The following COLEC12 variants were observed in gnomAD, a reference collection of about 807,000 sequenced individuals.
COLEC12 encodes the protein collectin subfamily member 12, also known as collectin-12.
A neutral mutation model predicts 71.1 loss-of-function variants in COLEC12; 33 were observed. The observed-to-expected ratio is 0.46, with a 90% CI of 0.35 to 0.62. The LOEUF (loss-of-function observed/expected upper bound fraction) is 0.62. Ranked by LOEUF, COLEC12 falls within the 20% of genes least tolerant of loss-of-function variation. The pLI is 0.00. For synonymous variants in COLEC12, 350 were observed against 353.0 expected, an observed-to-expected ratio of 0.99 and a Z score of 0.10; for missense variants, 765 against 916.1, an observed-to-expected ratio of 0.84 and a Z score of 2.13.
intron 2 of COLEC12, among the ~76,000 whole-genome samples, chr18:432,742 T>C (rs765221652): frequency 8.5e-5 from 13 of 152,216 alleles, no homozygotes; most frequent in Non-Finnish European, 1.5e-4. Flanking sequence ...ACTGTCTATC[T>C]GATTTTGGAC....
intron 2 of COLEC12, among the ~76,000 whole-genome samples, chr18:385,603 A>T (rs1392751446): frequency 6.6e-6 from 1 of 152,156 alleles, no homozygotes; most frequent in Non-Finnish European, 1.5e-5. Context: ...GATTACAGGC[A>T]TGAGCCACCG....
intron 2 of COLEC12, among the ~76,000 whole-genome samples, chr18:363,810 T>TA (rs1296392356): frequency 1.3e-5 from 2 of 152,156 alleles, no homozygotes; most frequent in Admixed American, 1.3e-4. Flanking sequence ...ATGGAATTAG[T>TA]AAAAAAAATT....
At chr18:368,461 C>T (rs1424895065) in intron 2 of COLEC12, among the ~76,000 whole-genome samples, 2 of 152,124 alleles carry the variant, frequency 1.3e-5, no homozygotes, top group Non-Finnish European at 2.9e-5. Flanking sequence ...GTAGTCCCAG[C>T]TACTTGGGTG....
At chr18:363,152 C>A (rs963572938) in intron 2 of COLEC12, among the ~76,000 whole-genome samples, 17 of 152,176 alleles carry the variant, frequency 1.1e-4, no homozygotes, top group African/African-American at 4.1e-4. Context: ...GAATTCCTTT[C>A]TGCTGTGGTT....
intron 1 of COLEC12, among the ~76,000 whole-genome samples, chr18:492,132 A>C (rs1917630401): frequency 6.6e-6 from 1 of 152,176 alleles, no homozygotes; most frequent in African/African-American, 2.4e-5. Flanking sequence ...CAGGAGATTC[A>C]TTTTGATTAC....
chr18:489,904 G>C (rs1224631752), intron 1 of COLEC12, among the ~76,000 whole-genome samples: 1 of 152,216 alleles, frequency 6.6e-6, no homozygotes, highest in Non-Finnish European at 1.5e-5. Context: ...AGTGAAGCAA[G>C]AGCACTGTAA....
Position 359,267 on chromosome 18 carries a change from T to C in COLEC12, c.59-1745A>G, listed in dbSNP as rs567621331. 2.1e-3 allele frequency among the ~76,000 whole-genome samples: 314 copies of C among 152,212 alleles called. 1 individual carries two copies. Among genetic ancestry groups the C allele is most frequent in the African/African-American group, 7.2e-3 (298 of 41,540 alleles). ...GCAGGGAGTATTTACACCATAGAAA[T>C]TGGCAAACACCGCGAATTAGGATGG... On this transcript the variant is annotated intron_variant, in intron 2 of 9. Transcript: ENST00000400256.
chr18:482,811 C>T (rs1178154539), intron 1 of COLEC12, among the ~76,000 whole-genome samples: 4 of 151,780 alleles, frequency 2.6e-5, no homozygotes, highest in South Asian at 4.2e-4. Flanking sequence ...TGGGGTTTCA[C>T]CATGTTGGGC....
In COLEC12 at chr18:399,101, A is replaced by T. The variant is rs1034116477; in HGVS notation, c.59-41579T>A. Among the ~76,000 whole-genome samples the T allele has an allele frequency of 6.6e-6, 1 of 152,232 alleles. No homozygotes were observed. Among genetic ancestry groups the T allele is most frequent in the East Asian group, 1.9e-4 (1 of 5,204 alleles). On this transcript the variant is annotated intron_variant, in intron 2 of 9. Coordinates refer to ENST00000400256, the MANE Select transcript of COLEC12 (RefSeq NM_130386.3). The surrounding 1 kb of genome is among the most constrained non-coding windows in gnomAD (Gnocchi z 4.0). ...TGGGACCACCCATGTACACTGGGCT[A>T]CTCTGTCAGCAGCTCAAGGAACTGT...
intron 2 of COLEC12, among the ~76,000 whole-genome samples, chr18:436,525 A>G (rs1401579637): frequency 1.1e-4 from 11 of 98,950 alleles, no homozygotes; most frequent in African/African-American, 3.4e-4. Context: ...CAAAAAAAAA[A>G]GGGGGGGGGG....
chr18:441,169 A>C (rs1181691594), intron 2 of COLEC12, among the ~76,000 whole-genome samples: 2 of 148,574 alleles, frequency 1.3e-5, no homozygotes, highest in Non-Finnish European at 3.0e-5. Context: ...AATGGCGTGA[A>C]CCCGGGAGGC....
At chr18:447,125 T>G (rs998349997) in intron 2 of COLEC12, among the ~76,000 whole-genome samples, 2 of 152,244 alleles carry the variant, frequency 1.3e-5, no homozygotes, top group African/African-American at 4.8e-5. Flanking sequence ...TCTCTCCCTA[T>G]GAAAGCCTCT....
At chr18:323,237 T>C (rs540084717) in intron 8 of COLEC12, among the ~76,000 whole-genome samples, 3 of 152,094 alleles carry the variant, frequency 2.0e-5, no homozygotes, top group South Asian at 2.1e-4. Context: ...AAAATACATA[T>C]ATATATATAC....
At chr18:461,390 A>T (rs2143734512) in intron 2 of COLEC12, among the ~76,000 whole-genome samples, 1 of 152,278 alleles carries the variant, frequency 6.6e-6, no homozygotes, top group East Asian at 1.9e-4. Context: ...TAAAAATTTT[A>T]ATTTTTATCT....
chr18:368,802 C>T (rs891890043), intron 2 of COLEC12, among the ~76,000 whole-genome samples: 1 of 152,086 alleles, frequency 6.6e-6, no homozygotes, highest in Non-Finnish European at 1.5e-5. Flanking sequence ...GGAGGCGGAG[C>T]TTGCAGTGAG....
chr18:413,688 G>GA (rs1306855910), intron 2 of COLEC12, among the ~76,000 whole-genome samples: 4 of 152,284 alleles, frequency 2.6e-5, no homozygotes, highest in South Asian at 2.1e-4. Context: ...ATCTGTACGT[G>GA]AATGTTTACA....
At chr18:345,163 C>T (rs899644681) in intron 5 of COLEC12, among the ~76,000 whole-genome samples, 5 of 152,184 alleles carry the variant, frequency 3.3e-5, no homozygotes, top group African/African-American at 7.2e-5. Flanking sequence ...GGGTGAGGAC[C>T]GTTGGTTTCA....
intron 2 of COLEC12, among the ~76,000 whole-genome samples, chr18:407,883 G>A (rs1001291512): frequency 9.9e-5 from 15 of 152,192 alleles, no homozygotes; most frequent in African/African-American, 1.2e-4. Flanking sequence ...CCTGGAGCCC[G>A]CCCTAGGCCA....
At chr18:440,832 C>T (rs1916505214) in intron 2 of COLEC12, among the ~76,000 whole-genome samples, 1 of 152,172 alleles carries the variant, frequency 6.6e-6, no homozygotes, top group African/African-American at 2.4e-5. Context: ...TTGTCAGCCC[C>T]ATCATACCTA....
Sources: allele counts gnomAD v4.1 joint callset (sites outside exome capture counted in the v4.1 genomes callset), GRCh38; gene constraint gnomAD v4.1.1; non-coding constraint Gnocchi (gnomAD v3.1); transcripts MANE v1.5; gene names NCBI Gene and HGNC (gene_info 2026-07-23, HGNC 2026-07-21).